The following AGAP1 variants were observed in gnomAD, a reference collection of about 807,000 sequenced individuals.
The protein encoded by AGAP1 is ArfGAP with GTPase domain, ankyrin repeat and PH domain 1, also known as arf-GAP with GTPase, ANK repeat and PH domain-containing protein 1.
A neutral mutation model predicts 105.3 loss-of-function variants in AGAP1; 29 were observed. The ratio of observed to expected loss-of-function variants is 0.28; its 90% CI spans 0.21 to 0.38. AGAP1 has a LOEUF of 0.38. Ranked by LOEUF, AGAP1 falls within the 10% of genes least tolerant of loss-of-function variation. The pLI is 1.00. For synonymous variants in AGAP1, 509 were observed against 485.9 expected (o/e 1.05, Z -0.63); for missense variants, 998 against 1,165.1 (o/e 0.86, Z 2.09).
chr2:235,773,426 G>A (rs1377414548), intron 6 of AGAP1, among the ~76,000 whole-genome samples: 2 of 152,242 alleles, frequency 1.3e-5, no homozygotes, highest in Admixed American at 1.3e-4. Context: ...CTATGCAAAT[G>A]TCTGATTGAT....
In AGAP1 at chr2:235,739,910, T is replaced by C. The variant is rs995786855; in HGVS notation, c.311-1053T>C. Among the ~76,000 whole-genome samples the C allele has an allele frequency of 2.9e-4, 44 of 152,330 alleles. No individual in the cohort carries two copies. The highest frequency in any genetic ancestry group is 6.8e-3 in the Middle Eastern group (2 of 294). On this transcript the variant is annotated intron_variant, in intron 3 of 17. Transcript: ENST00000304032. This position sits in a 1 kb window ranked among gnomAD's most constrained non-coding sequence, Gnocchi z 5.3. ...GCGGCAGTGGAGCTGGCAGGCAGCC[T>C]CTGGGCTCTGGCAGCATTGTCCTCT...
In AGAP1 at chr2:236,120,931, C is replaced by T. The variant is rs2059882662; in HGVS notation, c.2370+484C>T. Among the ~76,000 whole-genome samples the T allele has an allele frequency of 6.6e-6, 1 of 152,232 alleles. No individual in the cohort carries two copies. The highest frequency in any genetic ancestry group is 1.5e-5 in the Non-Finnish European group (1 of 68,048). ...AGTATTATTTACATTCCTATTGAAG[C>T]ATGTGTCACAATGCTTGAAGGAGTG... On this transcript the variant is annotated intron_variant, in intron 17 of 17. Transcript: ENST00000304032. This position sits in a 1 kb window ranked among gnomAD's most constrained non-coding sequence, Gnocchi z 6.0.
Position 235,891,484 on chromosome 2 carries a change from G to A in AGAP1, c.1155+8035G>A, listed in dbSNP as rs773013479. ...AAGACCCTGAGAGTCCCTTTCTGTG[G>A]ACTTAAATGTGAGCCTTAGGGAGCA... On this transcript the variant is annotated intron_variant, in intron 10 of 17. Transcript: ENST00000304032. This position sits in a 1 kb window ranked among gnomAD's most constrained non-coding sequence, Gnocchi z 4.2. Among the ~76,000 whole-genome samples the A allele has an allele frequency of 2.0e-5, 3 of 152,184 alleles. No individual in the cohort carries two copies. The highest frequency in any genetic ancestry group is 2.9e-5 in the Non-Finnish European group (2 of 68,046).
At chr2:235,826,895 A>G (rs750940119) in intron 9 of AGAP1, among the ~76,000 whole-genome samples, 1 of 152,198 alleles carries the variant, frequency 6.6e-6, no homozygotes, top group African/African-American at 2.4e-5. Context: ...CTCCAAAGCA[A>G]TGATTTCATA....
rs994074982 is a variant in AGAP1, at chr2:235,931,840, G to A, written c.1483+917G>A. Among the ~76,000 whole-genome samples, 1 of 151,982 alleles carries A rather than the reference G, an allele frequency of 6.6e-6. No individual in the cohort carries two copies. Among genetic ancestry groups the A allele is most frequent in the East Asian group, 1.9e-4 (1 of 5,134 alleles). Reference sequence around the variant, plus strand: ...ACATCTCCAAACCAAGCCGGGAGACGCGGAGTCAGCGAGGTAGCTCCACAC... The same window carrying A: ...ACATCTCCAAACCAAGCCGGGAGACACGGAGTCAGCGAGGTAGCTCCACAC... On this transcript the variant is annotated intron_variant, in intron 12 of 17. Coordinates refer to ENST00000304032, the MANE Select transcript of AGAP1 (RefSeq NM_001037131.3). The surrounding 1 kb of genome is among the most constrained non-coding windows in gnomAD (Gnocchi z 5.6).
Position 236,020,120 on chromosome 2 carries a change from C to G in AGAP1, c.1646-16441C>G, listed in dbSNP as rs1326415464. Among the ~76,000 whole-genome samples, 1 of 152,122 alleles carries G rather than the reference C, an allele frequency of 6.6e-6. No individual in the cohort carries two copies. Among genetic ancestry groups the G allele is most frequent in the Non-Finnish European group, 1.5e-5 (1 of 68,034 alleles). ...TAACCTTGGGTTCTTGATGTGTCTTCTCTGTACCTCAGTTTCCCCACCTAT... is the reference window on the plus strand; with the variant it reads ...TAACCTTGGGTTCTTGATGTGTCTTGTCTGTACCTCAGTTTCCCCACCTAT... On this transcript the variant is annotated intron_variant, in intron 13 of 17. Transcript: ENST00000304032. This position sits in a 1 kb window ranked among gnomAD's most constrained non-coding sequence, Gnocchi z 5.0.
At chr2:235,810,002 A>G (rs558176071) in intron 9 of AGAP1, among the ~76,000 whole-genome samples, 580 of 152,300 alleles carry the variant, frequency 3.8e-3, no homozygotes, top group Non-Finnish European at 6.0e-3. Context: ...GCAGCTAGGA[A>G]GTAGGTCCAA....
rs1417044530 is a variant in AGAP1, at chr2:235,967,996, G to A, written c.1484-466G>A. Among the ~76,000 whole-genome samples, 1 of 152,194 alleles carries A rather than the reference G, an allele frequency of 6.6e-6. No homozygotes were observed. Among genetic ancestry groups the A allele is most frequent in the East Asian group, 1.9e-4 (1 of 5,194 alleles). On this transcript the variant is annotated intron_variant, in intron 12 of 17. Coordinates refer to ENST00000304032, the MANE Select transcript of AGAP1 (RefSeq NM_001037131.3). The surrounding 1 kb of genome is among the most constrained non-coding windows in gnomAD (Gnocchi z 4.7). ...AAGTTATAGTCATCTGTAATATTGA[G>A]GCCGGAAGAAAGGATCAGGAATCCC...
chr2:235,786,578 T>A (rs1956650962), intron 6 of AGAP1, among the ~76,000 whole-genome samples: 1 of 152,214 alleles, frequency 6.6e-6, no homozygotes, highest in Non-Finnish European at 1.5e-5. Context: ...TACACTCAGC[T>A]CTCTAAGAGA....
Position 236,110,794 on chromosome 2 carries a change from TTGTCTTAGTCCTCTGGGGC to T in AGAP1, c.2115-9395_2115-9377del, listed in dbSNP as rs143073923. The stretch of plus-strand genomic sequence containing the variant: ...TATGCAGAAAGGCCTTTGTTTATTA[TTGTCTTAGTCCTCTGGGGC>T]TGCTATAACAAAATACCTTAAATGG... On this transcript the variant is annotated intron_variant, in intron 16 of 17. Transcript: ENST00000304032. Among the ~76,000 whole-genome samples the T allele has an allele frequency of 2.1e-3, 322 of 152,326 alleles. 2 individuals carry two copies. The highest frequency in any genetic ancestry group is 7.3e-3 in the African/African-American group (304 of 41,574).
intron 9 of AGAP1, among the ~76,000 whole-genome samples, chr2:235,821,928 A>G (rs1958811088): frequency 6.6e-6 from 1 of 152,214 alleles, no homozygotes; most frequent in South Asian, 2.1e-4. Flanking sequence ...GCCTGATGTC[A>G]TCTCCTGAAT....
At chr2:236,060,048 A>G (rs2058148774) in intron 16 of AGAP1, among the ~76,000 whole-genome samples, 1 of 152,164 alleles carries the variant, frequency 6.6e-6, no homozygotes, top group Non-Finnish European at 1.5e-5. Flanking sequence ...CCGAGATCGC[A>G]CCACTGCACT....
chr2:235,978,864 GT>G (rs2054968543), intron 13 of AGAP1, among the ~76,000 whole-genome samples: 1 of 152,048 alleles, frequency 6.6e-6, no homozygotes, highest in Admixed American at 6.5e-5. Context: ...TTGTGTTGTG[GT>G]ATGGCTTCCT....
chr2:235,774,542 G>A (rs141910814), intron 6 of AGAP1: 7 of 324,826 alleles, frequency 2.2e-5, no homozygotes, highest in African/African-American at 4.5e-5. Flanking sequence ...ATAGGAAAGC[G>A]ATCAAGGACT....
chr2:236,006,932 C>T (rs537847742), intron 13 of AGAP1, among the ~76,000 whole-genome samples: 261 of 152,150 alleles, frequency 1.7e-3, no homozygotes, highest in Admixed American at 2.8e-3. Context: ...CTTTTTATTC[C>T]GTTGTTGTGT....
chr2:235,529,383 T>C (rs1227856413), intron 1 of AGAP1, among the ~76,000 whole-genome samples: 2 of 152,246 alleles, frequency 1.3e-5, no homozygotes, highest in Admixed American at 1.3e-4. Flanking sequence ...ATGCTGTCAT[T>C]GCCATTGTAA....
chr2:235,939,246 C>G (rs1197285295), intron 12 of AGAP1, among the ~76,000 whole-genome samples: 1 of 152,038 alleles, frequency 6.6e-6, no homozygotes, highest in African/African-American at 2.4e-5. Flanking sequence ...CCCTCTGCAT[C>G]CTTTCCCGAT....
At position 235,665,715 on chromosome 2, in the gene AGAP1, T is replaced by C. The variant is rs556946876; in HGVS notation, c.164-43464T>C. Among the ~76,000 whole-genome samples the C allele has an allele frequency of 2.0e-5, 3 of 152,180 alleles. No homozygotes were observed. The highest frequency in any genetic ancestry group is 4.4e-5 in the Non-Finnish European group (3 of 68,032). On this transcript the variant is annotated intron_variant, in intron 1 of 17. Transcript: ENST00000304032. The surrounding 1 kb of genome is among the most constrained non-coding windows in gnomAD (Gnocchi z 5.3). ...CTTTGATGTACCCACGGAGGGGCTC[T>C]TGGTGGGCTCCCGGGGTGGGCATGC...
chr2:236,062,642 TTTTGTTTG>T lies in AGAP1; in HGVS notation c.2114+13377_2114+13384del, dbSNP rs139155402. 2.6e-5 allele frequency among the ~76,000 whole-genome samples: 4 copies of T among 151,242 alleles called. No homozygotes were observed. Among genetic ancestry groups the T allele is most frequent in the Non-Finnish European group, 4.4e-5 (3 of 67,844 alleles). On this transcript the variant is annotated intron_variant, in intron 16 of 17. Coordinates refer to ENST00000304032, the MANE Select transcript of AGAP1 (RefSeq NM_001037131.3). This position sits in a 1 kb window ranked among gnomAD's most constrained non-coding sequence, Gnocchi z 4.2. ...AGCCACATGCCTCCACACTCAGCTA[TTTTGTTTG>T]TTTGTTTGTTTGTTTTTGTTTGTTT...
Sources: gnomAD v4.1 joint callset for allele counts (sites outside exome capture counted in the v4.1 genomes callset) on GRCh38, gnomAD v4.1.1 for gene constraint, Gnocchi (gnomAD v3.1) non-coding constraint, MANE v1.5 for transcripts, NCBI Gene and HGNC (gene_info 2026-07-23, HGNC 2026-07-21) for gene names.